Variants in NVL observed in about 807,000 individuals in gnomAD.
NVL encodes the protein nuclear VCP like.
In NVL, 84 loss-of-function variants were observed where a neutral mutation model predicts 110.2. The ratio of observed to expected loss-of-function variants is 0.76; its 90% CI spans 0.64 to 0.91. The LOEUF (loss-of-function observed/expected upper bound fraction) is 0.91. Among genes scored for constraint, NVL ranks in the 40% least tolerant of loss-of-function variants. The pLI is 0.00. For synonymous variants in NVL, 354 were observed against 361.1 expected, an observed-to-expected ratio of 0.98 and a Z score of 0.22; for missense variants, 882 against 1,035.9, an observed-to-expected ratio of 0.85 and a Z score of 2.04.
intron 20 of NVL, 91 bp downstream of exon 20, chr1:224,236,415 A>C (rs933755449): frequency 2.1e-6 from 2 of 944,234 alleles, no homozygotes; most frequent in Admixed American, 3.6e-5. Context: ...TCCTCCCAAC[A>C]ATCTGCTGAG....
intron 10 of NVL, chr1:224,298,402 C>G (rs923936663): frequency 5.9e-6 from 1 of 169,058 alleles, no homozygotes; most frequent in Non-Finnish European, 1.3e-5. Flanking sequence ...TCAATGTGTG[C>G]GAGAATCAAC....
intron 4 of NVL, among the ~76,000 whole-genome samples, chr1:224,313,350 TAAAG>T (rs925566005): frequency 2.0e-5 from 3 of 147,488 alleles, no homozygotes; most frequent in Non-Finnish European, 3.0e-5. Flanking sequence ...GAGTTAAACA[TAAAG>T]AAAGAAGAAA....
Position 224,285,543 on chromosome 1 carries a change from T to C in NVL, c.1899+483A>G, listed in dbSNP as rs533032828. On this transcript the variant is annotated intron_variant, in intron 15 of 22. Coordinates refer to ENST00000281701, the MANE Select transcript of NVL (RefSeq NM_002533.4). ...TATGCATAGAAAAATATCTGAAGGATTGACAATGAAATGAAATAATAGTAG... is the reference window on the plus strand; with the variant it reads ...TATGCATAGAAAAATATCTGAAGGACTGACAATGAAATGAAATAATAGTAG... Among the ~76,000 whole-genome samples, 16 of 152,300 alleles carry C rather than the reference T, an allele frequency of 1.1e-4. No individual in the cohort carries two copies. In the East Asian group the frequency reaches 2.7e-3, roughly 26 times the overall value.
rs149307423 is a variant in NVL, at chr1:224,273,615, G to T, written c.2082+1724C>A. Among the ~76,000 whole-genome samples, 480 of 152,236 alleles carry T rather than the reference G, an allele frequency of 3.2e-3. 2 individuals carry two copies. Among genetic ancestry groups the T allele is most frequent in the African/African-American group, 0.011 (461 of 41,536 alleles). Reference sequence around the variant, plus strand: ...CTCTCCAAATTTAGATTTACCAGCTGACAGTAGAGAGCTTCAAACCAATTG... The same window carrying T: ...CTCTCCAAATTTAGATTTACCAGCTTACAGTAGAGAGCTTCAAACCAATTG... On this transcript the variant is annotated intron_variant, in intron 17 of 22. Transcript: ENST00000281701.
At chr1:224,231,346 G>T in intron 21 of NVL, 50 bp from the exon 22 acceptor site, 1 of 1,456,926 alleles carries the variant, frequency 6.9e-7, no homozygotes, top group Non-Finnish European at 9.6e-7. Flanking sequence ...TATGGTAACT[G>T]ACTTAGAACT....
At chr1:224,263,734 T>C (rs1290809512) in intron 18 of NVL, among the ~76,000 whole-genome samples, 2 of 152,230 alleles carry the variant, frequency 1.3e-5, no homozygotes, top group Non-Finnish European at 2.9e-5. Flanking sequence ...TGGCTCAGAG[T>C]ATCTTTTGTG....
At chr1:224,231,853 C>T (rs747814302) in intron 21 of NVL, among the ~76,000 whole-genome samples, 19 of 150,654 alleles carry the variant, frequency 1.3e-4, no homozygotes, top group South Asian at 2.1e-4. Context: ...GGTGAAATCC[C>T]GTCTCTACTA....
In NVL at chr1:224,317,641, T is replaced by C. The variant is rs536316435; in HGVS notation, c.284+53A>G. The C allele has an allele frequency of 1.4e-5, 15 of 1,059,176 alleles. No homozygotes were observed. In the African/African-American group the frequency reaches 2.2e-4, roughly 16 times the overall value. The allele number at this position is 1,059,176 out of a possible 1,614,324, so 65.6% of individuals were successfully genotyped here. On this transcript the variant is annotated intron_variant, in intron 4 of 22. Transcript: ENST00000281701. ...CCACTGAAAGTTTTACAAGCAGGAA[T>C]GTAACATGATAAAGTTCATGGTTTA...
chr1:224,266,231 T>TC (rs35103034), intron 18 of NVL, among the ~76,000 whole-genome samples: 1 of 152,064 alleles, frequency 6.6e-6, no homozygotes, highest in East Asian at 1.9e-4. Context: ...CTCCCCAGGA[T>TC]CCCCCCTCTC....
chr1:224,230,697 G>A (rs1356421215), intron 22 of NVL, among the ~76,000 whole-genome samples: 1 of 152,166 alleles, frequency 6.6e-6, no homozygotes, highest in South Asian at 2.1e-4. Context: ...GGAAAACTGT[G>A]TTCTAGTCCC....
chr1:224,243,076 C>T (rs1224336442), intron 19 of NVL, among the ~76,000 whole-genome samples: 1 of 152,008 alleles, frequency 6.6e-6, no homozygotes, highest in African/African-American at 2.4e-5. Flanking sequence ...GCCACCGTAC[C>T]TGGCCAGTAA....
At chr1:224,280,899 C>T (rs1200977750) in intron 16 of NVL, among the ~76,000 whole-genome samples, 1 of 152,140 alleles carries the variant, frequency 6.6e-6, no homozygotes, top group Non-Finnish European at 1.5e-5. Flanking sequence ...CTGCTTCTAG[C>T]TGTGGGAAAA....
At chr1:224,296,290 G>C (rs942549774) in intron 11 of NVL, among the ~76,000 whole-genome samples, 1 of 152,078 alleles carries the variant, frequency 6.6e-6, no homozygotes, top group East Asian at 1.9e-4. Flanking sequence ...ATGTTGCCCA[G>C]GCTGGCCTCA....
intron 21 of NVL, among the ~76,000 whole-genome samples, chr1:224,232,683 A>G (rs568353425): frequency 6.6e-6 from 1 of 152,234 alleles, no homozygotes; most frequent in Non-Finnish European, 1.5e-5. Flanking sequence ...CCCCATATGC[A>G]CTCAAATAAT....
At chr1:224,308,337 T>A in intron 5 of NVL, 74 bp from the exon 6 acceptor site, 1 of 1,326,642 alleles carries the variant, frequency 7.5e-7, no homozygotes, top group Non-Finnish European at 1.0e-6. Flanking sequence ...TTGCCTATAG[T>A]AATAAGTTTT....
intron 17 of NVL, among the ~76,000 whole-genome samples, chr1:224,272,340 T>C (rs1318608421): frequency 6.7e-6 from 1 of 149,798 alleles, no homozygotes; most frequent in Non-Finnish European, 1.5e-5. Flanking sequence ...GAGACTCTGT[T>C]TTAAAAAAAA....
chr1:224,286,831 A>G (rs1053275999), intron 14 of NVL, among the ~76,000 whole-genome samples: 3 of 152,210 alleles, frequency 2.0e-5, no homozygotes, highest in African/African-American at 7.2e-5. Context: ...AGTAGTACAT[A>G]CCTCTAAATC....
chr1:224,272,324 G>A (rs995488091), intron 17 of NVL, among the ~76,000 whole-genome samples: 8 of 151,604 alleles, frequency 5.3e-5, no homozygotes, highest in South Asian at 2.1e-4. Flanking sequence ...CAGCTTGAGT[G>A]AGAGTGAGAC....
intron 14 of NVL, among the ~76,000 whole-genome samples, chr1:224,287,107 T>C (rs1666940694): frequency 6.6e-6 from 1 of 152,194 alleles, no homozygotes; most frequent in Admixed American, 6.5e-5. Context: ...AATGAAATCC[T>C]GTCATTTGCA....
Sources: gnomAD v4.1 joint callset for allele counts (sites outside exome capture counted in the v4.1 genomes callset) on GRCh38, gnomAD v4.1.1 for gene constraint, MANE v1.5 for transcripts, NCBI Gene and HGNC (gene_info 2026-07-23, HGNC 2026-07-21) for gene names.